The following RANBP2 variants were observed in gnomAD, a reference collection of about 807,000 sequenced individuals.
The protein encoded by RANBP2 is E3 SUMO-protein ligase RanBP2.
A neutral mutation model predicts 303.6 loss-of-function variants in RANBP2; 57 were observed. The observed-to-expected ratio is 0.19, with a 90% CI of 0.15 to 0.23. The LOEUF (loss-of-function observed/expected upper bound fraction) is 0.23. Ranked by LOEUF, RANBP2 falls within the 10% of genes least tolerant of loss-of-function variation. The probability of loss-of-function intolerance (pLI) is 1.00; values close to 1 mark genes in which losing one functional copy is unlikely to be tolerated. For synonymous variants in RANBP2, 1,167 were observed against 1,301.5 expected (o/e 0.90, Z 2.23); for missense variants, 3,138 against 3,780.8 (o/e 0.83, Z 4.46).
intron 4 of RANBP2, among the ~76,000 whole-genome samples, chr2:108,734,632 G>A (rs770369346): frequency 2.2e-4 from 33 of 152,118 alleles, no homozygotes; most frequent in Admixed American, 2.0e-3. Context: ...ACTTGATGAT[G>A]TTATTGTCTT....
the RANBP2 span, among the ~76,000 whole-genome samples, chr2:109,642,052 C>T: frequency 6.6e-6 from 1 of 152,110 alleles, no homozygotes; most frequent in South Asian, 2.1e-4. Context: ...GATCTGCCCA[C>T]CTTGGCCTCC....
At chr2:108,982,557 A>G in the RANBP2 span, among the ~76,000 whole-genome samples, 3 of 152,270 alleles carry the variant, frequency 2.0e-5, no homozygotes, top group Non-Finnish European at 2.9e-5. Context: ...TTCAAAAGCA[A>G]CAACTGTGAT....
the RANBP2 span, among the ~76,000 whole-genome samples, chr2:109,284,069 G>T: frequency 1.3e-5 from 2 of 152,242 alleles, no homozygotes; most frequent in South Asian, 4.1e-4. Context: ...CACCTCCCTT[G>T]TCCTGCCCCC....
chr2:108,784,038 GTTGT>G lies in RANBP2; in HGVS notation c.*138_*141del. ...AAATGTAAAATTGCAGCTTATAGCT[GTTGT>G]CACTTTTTAATGTGTTATAATTGAC... On this transcript the variant is annotated 3_prime_UTR_variant, in exon 29 of 29. Transcript: ENST00000283195. The G allele has an allele frequency of 1.2e-6, 1 of 825,848 alleles. No homozygotes were observed. Among genetic ancestry groups the G allele is most frequent in the African/African-American group, 1.7e-5 (1 of 58,302 alleles). The allele number at this position is 825,848 out of a possible 1,614,324, so 51.2% of individuals were successfully genotyped here. A position where few individuals can be genotyped will look rare whatever the true frequency, so the allele number is the denominator to read the frequency against.
At chr2:109,476,236 C>T in the RANBP2 span, among the ~76,000 whole-genome samples, 3 of 152,250 alleles carry the variant, frequency 2.0e-5, no homozygotes, top group Admixed American at 2.0e-4. Flanking sequence ...GGCCTGCTAG[C>T]ACCCACAGCA....
the RANBP2 span, among the ~76,000 whole-genome samples, chr2:108,872,296 A>G: frequency 6.6e-6 from 1 of 152,128 alleles, no homozygotes; most frequent in Non-Finnish European, 1.5e-5. Flanking sequence ...TACGCAGAAT[A>G]CATTCATTCC....
the RANBP2 span, among the ~76,000 whole-genome samples, chr2:109,036,559 A>G: frequency 6.6e-6 from 1 of 152,220 alleles, no homozygotes; most frequent in Non-Finnish European, 1.5e-5. Context: ...AATGTAATTT[A>G]CTCTGTTAAC....
At chr2:109,527,583 C>A in the RANBP2 span, among the ~76,000 whole-genome samples, 7 of 152,028 alleles carry the variant, frequency 4.6e-5, no homozygotes, top group Non-Finnish European at 7.4e-5. Context: ...GGATGAATCC[C>A]ATAGGTGAGT....
the RANBP2 span, among the ~76,000 whole-genome samples, chr2:109,383,112 C>T: frequency 2.6e-5 from 4 of 152,250 alleles, no homozygotes; most frequent in Non-Finnish European, 4.4e-5. Context: ...AGGCACTTGT[C>T]CCCAGGCAGA....
At chr2:109,545,283 G>C in the RANBP2 span, 2 of 1,421,914 alleles carry the variant, frequency 1.4e-6, no homozygotes, top group Non-Finnish European at 1.8e-6. Flanking sequence ...GGATACTTAA[G>C]TGGGAGAAAT....
chr2:109,069,820 C>G, the RANBP2 span, among the ~76,000 whole-genome samples: 1 of 152,070 alleles, frequency 6.6e-6, no homozygotes, highest in African/African-American at 2.4e-5. Flanking sequence ...AATTATTGAT[C>G]AAATCATTAT....
intron 21 of RANBP2, 127 bp downstream of exon 21, chr2:108,771,998 C>T: frequency 3.3e-6 from 4 of 1,205,320 alleles, no homozygotes; most frequent in Non-Finnish European, 4.8e-6. Context: ...TAGATATTTA[C>T]CCTAAATGTA....
At chr2:108,945,808 G>GA in the RANBP2 span, among the ~76,000 whole-genome samples, 30 of 152,298 alleles carry the variant, frequency 2.0e-4, no homozygotes, top group South Asian at 6.2e-3. Context: ...AGCCAGTCAT[G>GA]AAAGGACAAA....
At chr2:109,737,386 C>T in the RANBP2 span, 3 of 662,424 alleles carry the variant, frequency 4.5e-6, no homozygotes, top group African/African-American at 3.6e-5. Context: ...CACTTTGATC[C>T]TTTCTTGCAA....
the RANBP2 span, chr2:109,545,736 G>A: frequency 7.0e-7 from 1 of 1,430,946 alleles, no homozygotes; most frequent in South Asian, 1.5e-5. Context: ...TAGGGCCACG[G>A]CTGGGCTATT....
the RANBP2 span, among the ~76,000 whole-genome samples, chr2:109,657,703 GA>G: frequency 6.2e-5 from 9 of 144,764 alleles, no homozygotes; most frequent in African/African-American, 2.0e-4. Context: ...CCACAGGCAT[GA>G]ATTAGCTGAG....
At chr2:109,129,619 C>A in the RANBP2 span, 3 of 1,490,092 alleles carry the variant, frequency 2.0e-6, no homozygotes, top group East Asian at 2.7e-5. Flanking sequence ...CGAGGACAGG[C>A]CAGGCGAGCG....
the RANBP2 span, among the ~76,000 whole-genome samples, chr2:108,905,079 T>C: frequency 6.6e-6 from 1 of 152,210 alleles, no homozygotes; most frequent in Non-Finnish European, 1.5e-5. Flanking sequence ...GAGACACAGA[T>C]GCCTGGGATT....
chr2:109,607,739 C>T, the RANBP2 span, among the ~76,000 whole-genome samples: 1 of 152,026 alleles, frequency 6.6e-6, no homozygotes, highest in Non-Finnish European at 1.5e-5. Flanking sequence ...AGTCTTTCCT[C>T]CCCTGACTTC....
Sources: gnomAD v4.1 joint callset for allele counts (sites outside exome capture counted in the v4.1 genomes callset) on GRCh38, gnomAD v4.1.1 for gene constraint, MANE v1.5 for transcripts, NCBI Gene and HGNC (gene_info 2026-07-23, HGNC 2026-07-21) for gene names.